MYH7: variants seen among roughly 807,000 people sequenced by gnomAD.
The protein encoded by MYH7 is myosin-7.
Under a neutral mutation model 225.4 loss-of-function variants are expected in MYH7, and 129 were observed. That is an observed-to-expected ratio of 0.57 (90% CI 0.50 to 0.66). The LOEUF (loss-of-function observed/expected upper bound fraction) is 0.66. Ranked by LOEUF, MYH7 falls within the 30% of genes least tolerant of loss-of-function variation. The pLI, the probability that MYH7 is intolerant of heterozygous loss-of-function variation, is 0.00. For synonymous variants in MYH7, 971 were observed against 1,007.6 expected (o/e 0.96, Z 0.69); for missense variants, 1,649 against 2,517.0 (o/e 0.66, Z 7.38).
At chr14:23,429,478 C>A (rs1892834653) in intron 12 of MYH7, 131 bp from the exon 13 acceptor site, 3 of 937,454 alleles carry the variant, frequency 3.2e-6, no homozygotes, top group East Asian at 2.6e-5. Context: ...GAGTTTGAGA[C>A]CAACCTGGCC....
Position 23,418,974 on chromosome 14 carries a change from C to T in MYH7, c.3972+203G>A, listed in dbSNP as rs28631169. On this transcript the variant is annotated intron_variant, in intron 29 of 39. Transcript: ENST00000355349. The stretch of plus-strand genomic sequence containing the variant: ...CTCCTCCTTCTCACACCCTGCCTCC[C>T]GTCCAGGGATGCAGCAGAAGCAGAG... 0.19 allele frequency among the ~76,000 whole-genome samples: 29,438 copies of T among 152,134 alleles called. 3,271 individuals are homozygous for T. Among genetic ancestry groups the T allele is most frequent in the African/African-American group, 0.28 (11,761 of 41,484 alleles).
Position 23,420,226 on chromosome 14 carries a change from G to A in MYH7, c.3345C>T (p.Ile1115=), listed in dbSNP as rs786204377. The change falls in exon 27 of 40, where the codon ATC becomes ATT. Residue 1115 remains isoleucine, a synonymous_variant. Transcript: ENST00000355349. ...CCTCCAGCTCCTCCTCCAGCTCCTC[G>A]ATGCGTGCCTGGTCAGACACAAAGG... ...QKKLKELQAR[I]EELEEELEAE... is the part of the protein sequence containing the mutation. 1.3e-5 allele frequency: 21 copies of A among 1,609,076 alleles called. No homozygotes were observed. The highest frequency in any genetic ancestry group is 1.8e-5 in the Non-Finnish European group (21 of 1,178,692).
At chr14:23,426,184 CAGTT>C in intron 18 of MYH7, 103 bp from the exon 19 acceptor site, 1 of 1,296,874 alleles carries the variant, frequency 7.7e-7, no homozygotes, top group East Asian at 2.5e-5. Flanking sequence ...CTTAGCAAGT[CAGTT>C]AGTAATAATC....
chr14:23,434,362 G>T, intron 1 of MYH7, 113 bp from the exon 2 acceptor site: 2 of 679,560 alleles, frequency 2.9e-6, no homozygotes, highest in Non-Finnish European at 3.6e-6. Flanking sequence ...CCAAAACAAG[G>T]TGGAAAGGGT....
rs762494719 is a variant in MYH7, at chr14:23,414,097, C to T, written c.5565G>A (p.Glu1855=). The T allele has an allele frequency of 6.2e-7, 1 of 1,612,530 alleles. No homozygotes were observed. The highest frequency in any genetic ancestry group is 8.5e-7 in the Non-Finnish European group (1 of 1,180,014). Residue 1855 remains glutamate (E), a synonymous_variant, in exon 38 of 40, where the codon GAG becomes GAA. Transcript: ENST00000355349. ...RRIKELTYQT[E]EDRKNLLRLQ... ...GCCGCAGCAGGTTTTTCCTGTCCTC[C>T]TCCGTCTGGGGGCCAGAGGGTAGGC...
At chr14:23,432,418 T>C in intron 6 of MYH7, 61 bp downstream of exon 6, 4 of 1,605,372 alleles carry the variant, frequency 2.5e-6, no homozygotes, top group Non-Finnish European at 3.4e-6. Flanking sequence ...GGACACCTGA[T>C]GGGGCTGGAG....
chr14:23,427,976 C>G lies in MYH7; in HGVS notation c.1579-82G>C, dbSNP rs562877146. On this transcript the variant is annotated intron_variant, in intron 15 of 39. Coordinates refer to ENST00000355349, the MANE Select transcript of MYH7 (RefSeq NM_000257.4). ...CTGCTCTATGGTCAATATACTTGCTCGTGGAGGTGCCATGTTGGGTGTTAA... is the reference window on the plus strand; with the variant it reads ...CTGCTCTATGGTCAATATACTTGCTGGTGGAGGTGCCATGTTGGGTGTTAA... 1.9e-4 allele frequency: 301 copies of G among 1,554,334 alleles called. 3 individuals are homozygous for G. The South Asian group carries it at 3.2e-3, about 17-fold the overall frequency.
chr14:23,423,376 T>C (rs1892554668), intron 24 of MYH7, among the ~76,000 whole-genome samples, 171 bp downstream of exon 24: 1 of 151,638 alleles, frequency 6.6e-6, no homozygotes, highest in Admixed American at 6.6e-5. Flanking sequence ...AGCTCCTTTC[T>C]AGAAAGATAT....
Position 23,427,729 on chromosome 14 carries a change from A to T in MYH7, c.1744T>A (p.Tyr582Asn). The T allele has an allele frequency of 6.2e-7, 1 of 1,614,184 alleles. No homozygotes were observed. The change falls in exon 16 of 40, where the codon TAT (tyrosine) becomes AAT (asparagine). Residue 582 changes from tyrosine (Y) to asparagine (N), a missense_variant. Tyr to Asn is a moderately radical substitution (Grantham distance 143, BLOSUM62 -2). Coordinates refer to ENST00000355349, the MANE Select transcript of MYH7 (RefSeq NM_000257.4). ...ATGTTGTAGTCCACGATGCCGGCAT[A>T]GTGGATCAGGGAGAAGTGGGCTTCA... ...KPEAHFSLIH[Y>N]AGIVDYNIIG...
chr14:23,429,125 C>G (rs1163141876), intron 13 of MYH7, 21 bp from the exon 14 acceptor site: 1 of 1,614,198 alleles, frequency 6.2e-7, no homozygotes, highest in Admixed American at 1.7e-5. Context: ...GAGGAGAGAC[C>G]CATATTGAGC....
Position 23,415,278 on chromosome 14 carries a change from C to A in MYH7, c.5284-8G>T, listed in dbSNP as rs1892143199. ...CTCTGCCATCATGGCGGCCTGTGTG[C>A]AGGAGAGAGGTGGCACATGGTCTGG... On this transcript the variant is annotated splice_region_variant and splice_polypyrimidine_tract_variant and intron_variant, in intron 36 of 39. Transcript: ENST00000355349. The surrounding 1 kb of genome is among the most constrained non-coding windows in gnomAD (Gnocchi z 6.3). 1 of 1,614,258 alleles carries A rather than the reference C, an allele frequency of 6.2e-7. No homozygotes were observed. The highest frequency in any genetic ancestry group is 1.3e-5 in the African/African-American group (1 of 75,066).
intron 25 of MYH7, among the ~76,000 whole-genome samples, chr14:23,421,424 T>C (rs1314910912): frequency 6.6e-6 from 1 of 152,256 alleles, no homozygotes; most frequent in Non-Finnish European, 1.5e-5. Flanking sequence ...TTCTGAAACT[T>C]ATTTTCCTCT....
intron 16 of MYH7, 124 bp from the exon 17 acceptor site, chr14:23,427,431 C>G: frequency 6.8e-7 from 1 of 1,464,136 alleles, no homozygotes; most frequent in Non-Finnish European, 9.4e-7. Flanking sequence ...TTCAATGTGG[C>G]TGCCTCAGTT....
At chr14:23,431,521 G>A in intron 8 of MYH7, 40 bp from the exon 9 acceptor site, 1 of 1,613,526 alleles carries the variant, frequency 6.2e-7, no homozygotes, top group Non-Finnish European at 8.5e-7. Flanking sequence ...TTGGGGGAAG[G>A]CTCATATCTG....
chr14:23,426,411 C>T (rs1293403954), intron 18 of MYH7, among the ~76,000 whole-genome samples: 3 of 152,180 alleles, frequency 2.0e-5, no homozygotes, highest in Non-Finnish European at 4.4e-5. Flanking sequence ...GTCCCTGAGC[C>T]TCTGTCTCCT....
At chr14:23,430,737 G>T in intron 10 of MYH7, 74 bp from the exon 11 acceptor site, 1 of 1,380,692 alleles carries the variant, frequency 7.2e-7, no homozygotes, top group African/African-American at 1.4e-5. Flanking sequence ...ACAGCACATG[G>T]CCTGAGGAAG....
At chr14:23,419,144 G>A in intron 29 of MYH7, 33 bp downstream of exon 29, 13 of 1,592,652 alleles carry the variant, frequency 8.2e-6, no homozygotes, top group Non-Finnish European at 1.1e-5. Context: ...TGTGCTCCTT[G>A]CTTGGGCCAG....
rs578166720 is a variant in MYH7 at position 23,417,262 on chromosome 14, C to T, written c.4410G>A (p.Ser1470=). Residue 1470 remains serine (S), a synonymous_variant, in exon 32 of 40, where the codon TCG becomes TCA. Coordinates refer to ENST00000355349, the MANE Select transcript of MYH7 (RefSeq NM_000257.4). ...YEESQSELES[S]QKEARSLSTE... ...TGCTGAGGGAGCGAGCCTCCTTCTG[C>T]GAGGACTCCAGCTCCGACTGCGACT... 7.4e-5 allele frequency: 119 copies of T among 1,614,192 alleles called. No homozygotes were observed. Among genetic ancestry groups the T allele is most frequent in the Middle Eastern group, 5.0e-4 (3 of 6,060 alleles).
chr14:23,426,924 A>G lies in MYH7; in HGVS notation c.1957-60T>C, dbSNP rs954438076. 2.6e-5 allele frequency: 37 copies of G among 1,413,848 alleles called. No homozygotes were observed. In the African/African-American group the frequency reaches 4.4e-4, roughly 17 times the overall value. 87.6% of individuals were successfully genotyped at this position (1,413,848 alleles called of 1,614,324 possible). A position where few individuals can be genotyped will look rare whatever the true frequency, so the allele number is the denominator to read the frequency against. ...AAATGCCAGAAAGAGATGCAGGAAG[A>G]AGAGAGGAGAAGAAGGAAGGAAAAG... On this transcript the variant is annotated intron_variant, in intron 17 of 39. Coordinates refer to ENST00000355349, the MANE Select transcript of MYH7 (RefSeq NM_000257.4).
Sources: gnomAD v4.1 joint callset for allele counts (sites outside exome capture counted in the v4.1 genomes callset) on GRCh38, gnomAD v4.1.1 for gene constraint, Gnocchi (gnomAD v3.1) non-coding constraint, MANE v1.5 for transcripts, NCBI Gene and HGNC (gene_info 2026-07-23, HGNC 2026-07-21) for gene names.